The following PCDHA7 variants were observed in gnomAD, a reference collection of about 807,000 sequenced individuals.
The protein encoded by PCDHA7 is protocadherin alpha 7.
In PCDHA7, 37 loss-of-function variants were observed where a neutral mutation model predicts 57.2. The observed-to-expected ratio is 0.65, with a 90% CI of 0.50 to 0.85. The LOEUF (loss-of-function observed/expected upper bound fraction) is 0.85, where lower values mean the gene tolerates loss of function less well. Among genes scored for constraint, PCDHA7 ranks in the 40% least tolerant of loss-of-function variants. PCDHA7 has a pLI of 0.00. For synonymous variants in PCDHA7, 553 were observed against 558.8 expected, an observed-to-expected ratio of 0.99 and a Z score of 0.15; for missense variants, 1,188 against 1,241.8, an observed-to-expected ratio of 0.96 and a Z score of 0.65.
chr5:140,988,751 T>C (rs1433769306), intron 3 of PCDHA7, among the ~76,000 whole-genome samples: 2 of 152,198 alleles, frequency 1.3e-5, no homozygotes, highest in Non-Finnish European at 2.9e-5. Flanking sequence ...ATTGGTGGCC[T>C]GGGCAGAATA....
rs930699906 is a variant in PCDHA7 at position 140,851,715 on chromosome 5, G to A, written c.2355+14977G>A. The A allele has an allele frequency of 9.3e-6, 9 of 963,892 alleles. No individual in the cohort carries two copies. In the East Asian group the frequency reaches 3.4e-4, roughly 37 times the overall value. The allele number at this position is 963,892 out of a possible 1,614,324, so 59.7% of individuals were successfully genotyped here. On this transcript the variant is annotated intron_variant, in intron 1 of 3. Transcript: ENST00000525929. Reference sequence around the variant, plus strand: ...AAAATGATCAGCCATGTGAAGATTCGAAACTTCGAGTTCTTTTGAAATTCA... The same window carrying A: ...AAAATGATCAGCCATGTGAAGATTCAAAACTTCGAGTTCTTTTGAAATTCA...
At position 140,982,568 on chromosome 5, in the gene PCDHA7, A is replaced by G. The variant is rs1158399397; in HGVS notation, c.2503+5A>G. 6.2e-7 allele frequency: 1 copy of G among 1,613,890 alleles called. No individual in the cohort carries two copies. The highest frequency in any genetic ancestry group is 8.5e-7 in the Non-Finnish European group (1 of 1,179,906). On this transcript the variant is annotated splice_donor_5th_base_variant and intron_variant, in intron 3 of 3. Coordinates refer to ENST00000525929, the MANE Select transcript of PCDHA7 (RefSeq NM_018910.3). ...CAGTATCCAGTGCAACACCAGGTAA[A>G]GAGCTGGGGTCTCTCCATTCTTTCT...
At chr5:140,851,909 A>G in intron 1 of PCDHA7, 1 of 970,994 alleles carries the variant, frequency 1.0e-6, no homozygotes, top group Non-Finnish European at 1.2e-6. Context: ...CTTTAATGTC[A>G]CTACATGTTA....
intron 1 of PCDHA7, among the ~76,000 whole-genome samples, chr5:140,932,902 T>C (rs1276238248): frequency 6.6e-6 from 1 of 152,002 alleles, no homozygotes; most frequent in Non-Finnish European, 1.5e-5. Context: ...AGGGAAACAA[T>C]AATATTTCAA....
intron 1 of PCDHA7, among the ~76,000 whole-genome samples, chr5:140,923,307 G>A (rs541732390): frequency 9.2e-5 from 14 of 152,288 alleles, no homozygotes; most frequent in African/African-American, 3.1e-4. Flanking sequence ...GCGTGGGGGC[G>A]CTTGGCCTAG....
intron 1 of PCDHA7, among the ~76,000 whole-genome samples, chr5:140,972,293 C>T (rs912767406): frequency 2.0e-5 from 3 of 151,768 alleles, no homozygotes; most frequent in Non-Finnish European, 4.4e-5. Flanking sequence ...ATGTGCGCCA[C>T]CGTGTCTGAC....
intron 1 of PCDHA7, among the ~76,000 whole-genome samples, chr5:140,973,418 T>G (rs1235123458): frequency 6.6e-6 from 1 of 152,212 alleles, no homozygotes; most frequent in East Asian, 1.9e-4. Flanking sequence ...CCACTCCAGT[T>G]TTTCATCCTC....
rs540052499 is a variant in PCDHA7 at position 140,992,812 on chromosome 5, G to A, written c.2503+10249G>A. Among the ~76,000 whole-genome samples the A allele has an allele frequency of 2.5e-4, 38 of 152,228 alleles. No homozygotes were observed. The South Asian group carries it at 7.9e-3, about 32-fold the overall frequency. ...TTTTATGGATCCATATGTATCTAAG[G>A]ATGTGTTTGTTTTTTGGGAACATTT... is the stretch of plus-strand genomic sequence containing the variant. On this transcript the variant is annotated intron_variant, in intron 3 of 3. Transcript: ENST00000525929.
chr5:140,977,630 C>T (rs2096769145), intron 1 of PCDHA7, among the ~76,000 whole-genome samples: 1 of 152,148 alleles, frequency 6.6e-6, no homozygotes, highest in African/African-American at 2.4e-5. Flanking sequence ...AGAGTTGTAA[C>T]TTTTTCTGGG....
chr5:140,945,409 T>C (rs945280530), intron 1 of PCDHA7, among the ~76,000 whole-genome samples: 4 of 152,116 alleles, frequency 2.6e-5, no homozygotes, highest in African/African-American at 9.7e-5. Flanking sequence ...ACAATTCGTA[T>C]CAAAATTTCA....
At chr5:140,938,535 T>C (rs1213072173) in intron 1 of PCDHA7, among the ~76,000 whole-genome samples, 2 of 140,516 alleles carry the variant, frequency 1.4e-5, no homozygotes, top group African/African-American at 2.6e-5. Flanking sequence ...ATGGATAATA[T>C]GGATTTTTAT....
rs1554136168 is a variant in PCDHA7 at position 140,836,640 on chromosome 5, C to T, written c.2257C>T (p.Gln753Ter). 21 of 1,613,350 alleles carry T rather than the reference C, an allele frequency of 1.3e-5. No individual in the cohort carries two copies. Among genetic ancestry groups the T allele is most frequent in the Non-Finnish European group, 1.6e-5 (19 of 1,179,564 alleles). The change falls in exon 1 of 4, where the codon CAG becomes TAG. Residue 753 changes from glutamine to a stop codon, truncating the protein, a stop_gained. Coordinates refer to ENST00000525929, the MANE Select transcript of PCDHA7 (RefSeq NM_018910.3). LOFTEE classifies it high-confidence loss of function. ...SAVGSWSFSQ[Q>*]RRQRVCSGEG... is the part of the protein sequence containing the mutation. ...GGTGGGGAGCTGGTCATTCTCCCAG[C>T]AGAGGCGGCAGAGGGTGTGCTCTGG...
rs17844346 is a variant in PCDHA7 at position 140,857,813 on chromosome 5, G to T, written c.2355+21075G>T. On this transcript the variant is annotated intron_variant, in intron 1 of 3. Transcript: ENST00000525929. Reference sequence around the variant, plus strand: ...GCTGCGGTCGGTGGTTGCGGGTCACGTGGTGGCTAAGGTGCGCGCAGTGGA... The same window carrying T: ...GCTGCGGTCGGTGGTTGCGGGTCACTTGGTGGCTAAGGTGCGCGCAGTGGA... 43 of 1,597,700 alleles carry T rather than the reference G, an allele frequency of 2.7e-5. 5 individuals are homozygous for T. The highest frequency in any genetic ancestry group is 1.8e-4 in the East Asian group (8 of 44,836).
At chr5:140,894,068 A>G (rs2064306594) in intron 1 of PCDHA7, among the ~76,000 whole-genome samples, 1 of 152,160 alleles carries the variant, frequency 6.6e-6, no homozygotes, top group Non-Finnish European at 1.5e-5. Context: ...TTTTAAATAC[A>G]TTTATTTTAT....
intron 1 of PCDHA7, among the ~76,000 whole-genome samples, chr5:140,837,701 TC>T (rs1775215037): frequency 6.6e-6 from 1 of 151,452 alleles, no homozygotes; most frequent in South Asian, 2.1e-4. Context: ...CAAGACACGC[TC>T]TCACTCCATC....
intron 1 of PCDHA7, among the ~76,000 whole-genome samples, chr5:140,915,602 C>T (rs1298727977): frequency 6.6e-6 from 1 of 151,066 alleles, no homozygotes; most frequent in Non-Finnish European, 1.5e-5. Context: ...TTTTCCCTTA[C>T]TTTCTGTCAA....
chr5:140,886,815 A>G (rs1251237856), intron 1 of PCDHA7, among the ~76,000 whole-genome samples: 1 of 149,622 alleles, frequency 6.7e-6, no homozygotes, highest in African/African-American at 2.5e-5. Context: ...TGACAGAGCA[A>G]GACTTCGTCT....
chr5:140,857,553 C>T, intron 1 of PCDHA7: 1 of 1,597,008 alleles, frequency 6.3e-7, no homozygotes, highest in Non-Finnish European at 8.6e-7. Flanking sequence ...GGCGAGCGCT[C>T]GCTGTCGAGC....
rs375705333 is a variant in PCDHA7 at position 140,927,955 on chromosome 5, C to T, written c.2356-50994C>T. On this transcript the variant is annotated intron_variant, in intron 1 of 3. Coordinates refer to ENST00000525929, the MANE Select transcript of PCDHA7 (RefSeq NM_018910.3). ...GAACCCAGTACCTGAGGACGCTGCC[C>T]CTGGCACAGTGATTGCTCTCTTTAG... 34 of 1,614,198 alleles carry T rather than the reference C, an allele frequency of 2.1e-5. 1 individual carries two copies. In the Middle Eastern group the frequency reaches 9.9e-4, roughly 47 times the overall value.
Sources: allele counts gnomAD v4.1 joint callset (sites outside exome capture counted in the v4.1 genomes callset), GRCh38; gene constraint gnomAD v4.1.1; transcripts MANE v1.5; gene names NCBI Gene and HGNC (gene_info 2026-07-23, HGNC 2026-07-21).